The following GTF2IRD1 variants were observed in gnomAD, a reference collection of about 807,000 sequenced individuals.
The protein encoded by GTF2IRD1 is GTF2I repeat domain containing 1, also known as general transcription factor II-I repeat domain-containing protein 1.
In GTF2IRD1, 26 loss-of-function variants were observed where a neutral mutation model predicts 113.2. The observed-to-expected ratio is 0.23, with a 90% CI of 0.17 to 0.32. The LOEUF (loss-of-function observed/expected upper bound fraction) is 0.32. GTF2IRD1 is among the 10% of genes least tolerant of loss of function. The probability of loss-of-function intolerance (pLI) is 1.00; values close to 1 mark genes in which losing one functional copy is unlikely to be tolerated. For missense variants in GTF2IRD1, 864 were observed against 1,280.8 expected, an observed-to-expected ratio of 0.67 and a Z score of 4.97; for synonymous variants, 484 against 529.1, an observed-to-expected ratio of 0.91 and a Z score of 1.17.
chr7:74,507,781 G>A (rs1259035177), intron 1 of GTF2IRD1: 4 of 334,972 alleles, frequency 1.2e-5, no homozygotes, highest in Non-Finnish European at 2.2e-5. Flanking sequence ...GCACACGCCG[G>A]GAGAGGTGGC....
At chr7:74,455,103 C>T (rs1358741572) in intron 1 of GTF2IRD1, among the ~76,000 whole-genome samples, 1 of 152,152 alleles carries the variant, frequency 6.6e-6, no homozygotes, top group Non-Finnish European at 1.5e-5. Flanking sequence ...GGCCTAGTGA[C>T]CCTACCTCCC....
At chr7:74,492,894 T>C (rs1554337101) in intron 1 of GTF2IRD1, among the ~76,000 whole-genome samples, 2 of 152,116 alleles carry the variant, frequency 1.3e-5, no homozygotes, top group Non-Finnish European at 1.5e-5. Flanking sequence ...TCGTCTTCAC[T>C]TGGACTTCTC....
chr7:74,485,441 C>T (rs1024787455), intron 1 of GTF2IRD1, among the ~76,000 whole-genome samples: 3 of 151,130 alleles, frequency 2.0e-5, no homozygotes. Flanking sequence ...CACGGTGAAA[C>T]CCCGTCTCTA....
Position 74,454,158 on chromosome 7 carries a change from C to T in GTF2IRD1, c.-25C>T. On this transcript the variant is annotated 5_prime_UTR_variant, in exon 1 of 27. Transcript: ENST00000424337. ...GGGGCCGGGGCGCCGCTGGCAGGAG[C>T]GCTTGGGGATCCTCCAAGGTAGGAG... is the stretch of plus-strand genomic sequence containing the variant. The T allele has an allele frequency of 6.6e-6, 1 of 152,188 alleles. No individual in the cohort carries two copies. The highest frequency in any genetic ancestry group is 1.5e-5 in the Non-Finnish European group (1 of 68,116). The allele number at this position is 152,188 out of a possible 1,614,324, so 9.4% of individuals were successfully genotyped here.
rs551032868 is a variant in GTF2IRD1 at position 74,513,295 on chromosome 7, T to G, written c.265+324T>G. 1.3e-4 allele frequency among the ~76,000 whole-genome samples: 20 copies of G among 152,298 alleles called. 1 individual carries two copies. The South Asian group carries it at 3.9e-3, about 30-fold the overall frequency. On this transcript the variant is annotated intron_variant, in intron 3 of 26. Coordinates refer to ENST00000424337, the MANE Select transcript of GTF2IRD1 (RefSeq NM_005685.4). ...TGAACACAAGGACCAAATGCACTTA[T>G]GCCAACACAATTTTTTTTTTCTTTA... is the stretch of plus-strand genomic sequence containing the variant.
chr7:74,462,740 C>T (rs955637600), intron 1 of GTF2IRD1, among the ~76,000 whole-genome samples: 5 of 152,214 alleles, frequency 3.3e-5, no homozygotes, highest in Non-Finnish European at 7.3e-5. Context: ...AAGAGCTGAC[C>T]CCAAGCCGGG....
chr7:74,506,067 C>T (rs556029447), intron 1 of GTF2IRD1: 1 of 152,364 alleles, frequency 6.6e-6, no homozygotes, highest in East Asian at 1.9e-4. Context: ...TATTTATCCA[C>T]AGCCAAAAAG....
At chr7:74,471,949 G>A (rs1195746424) in intron 1 of GTF2IRD1, among the ~76,000 whole-genome samples, 1 of 152,074 alleles carries the variant, frequency 6.6e-6, no homozygotes, top group African/African-American at 2.4e-5. Context: ...CCGAGATGGC[G>A]CCACTGCTCT....
In GTF2IRD1 at chr7:74,519,793, G is replaced by A. The variant is rs1391965317; in HGVS notation, c.916+74G>A. On this transcript the variant is annotated intron_variant, in intron 6 of 26. Transcript: ENST00000424337. ...ACTCATGCAGGGGACAGCCTCCCAG[G>A]GCAGGTCAGGATGCCTGGGCCCTCT... 2.5e-5 allele frequency: 28 copies of A among 1,127,904 alleles called. No individual in the cohort carries two copies. In the Middle Eastern group the frequency reaches 8.2e-4, roughly 33 times the overall value. 69.9% of individuals were successfully genotyped at this position (1,127,904 alleles called of 1,614,324 possible). A position where few individuals can be genotyped will look rare whatever the true frequency, so the allele number is the denominator to read the frequency against.
At chr7:74,522,469 G>A (rs1554346213) in intron 7 of GTF2IRD1, among the ~76,000 whole-genome samples, 1 of 152,178 alleles carries the variant, frequency 6.6e-6, no homozygotes, top group East Asian at 1.9e-4. Flanking sequence ...GGAGGCTAAG[G>A]TGGGAGGATG....
intron 17 of GTF2IRD1, among the ~76,000 whole-genome samples, chr7:74,552,957 C>A (rs1157886404): frequency 2.0e-5 from 3 of 152,152 alleles, no homozygotes; most frequent in African/African-American, 4.8e-5. Flanking sequence ...CCGGCCTCAG[C>A]CTCCTGAGTA....
rs1318908202 is a variant in GTF2IRD1 at position 74,502,651 on chromosome 7, C to T, written c.-6-5424C>T. On this transcript the variant is annotated intron_variant, in intron 1 of 26. Coordinates refer to ENST00000424337, the MANE Select transcript of GTF2IRD1 (RefSeq NM_005685.4). ...GGCAGCACTGATTCAGACGTGGCCACGAGTGCTTGGCTAATTTTTGGCTCA... is the reference window on the plus strand; with the variant it reads ...GGCAGCACTGATTCAGACGTGGCCATGAGTGCTTGGCTAATTTTTGGCTCA... Among the ~76,000 whole-genome samples the T allele has an allele frequency of 3.3e-5, 5 of 152,340 alleles. No individual in the cohort carries two copies. In the South Asian group the frequency reaches 6.2e-4, roughly 19 times the overall value.
chr7:74,524,438 C>G (rs1267107234), intron 8 of GTF2IRD1, among the ~76,000 whole-genome samples: 1 of 152,170 alleles, frequency 6.6e-6, no homozygotes, highest in African/African-American at 2.4e-5. Context: ...GATTACCCAT[C>G]TGGGGGCCGG....
At chr7:74,473,366 G>A (rs1794216800) in intron 1 of GTF2IRD1, among the ~76,000 whole-genome samples, 1 of 151,998 alleles carries the variant, frequency 6.6e-6, no homozygotes, top group Non-Finnish European at 1.5e-5. Context: ...GCCTGGGGCT[G>A]CCAAGAGCTC....
chr7:74,576,821 A>T (rs1334943005), intron 22 of GTF2IRD1, among the ~76,000 whole-genome samples: 1 of 151,332 alleles, frequency 6.6e-6, no homozygotes, highest in African/African-American at 2.4e-5. Context: ...GGGTTTCACC[A>T]TGTTGCCCAG....
At chr7:74,593,676 T>C (rs1188830753) in intron 24 of GTF2IRD1, among the ~76,000 whole-genome samples, 1 of 142,354 alleles carries the variant, frequency 7.0e-6, no homozygotes, top group Non-Finnish European at 1.5e-5. Context: ...GAGCTTGCAG[T>C]GAGCCAAGAT....
chr7:74,459,776 G>T (rs1217459416), intron 1 of GTF2IRD1, among the ~76,000 whole-genome samples: 2 of 152,164 alleles, frequency 1.3e-5, no homozygotes, highest in African/African-American at 4.8e-5. Flanking sequence ...CTGTAGTTCA[G>T]ACTGAACTGG....
intron 19 of GTF2IRD1, among the ~76,000 whole-genome samples, chr7:74,556,790 A>ATTTTTTTTTTTTTTTTTT (rs587648610): frequency 2.2e-3 from 294 of 132,650 alleles, no homozygotes; most frequent in African/African-American, 2.7e-3. Context: ...TGCCTGGCTA[A>ATTTTTTTTTTTTTTTTTT]TTTTTGTATT....
Position 74,519,396 on chromosome 7 carries a change from C to T in GTF2IRD1, c.606-13C>T, listed in dbSNP as rs1554345336. 1 of 1,505,730 alleles carries T rather than the reference C, an allele frequency of 6.6e-7. No individual in the cohort carries two copies. Among genetic ancestry groups the T allele is most frequent in the Non-Finnish European group, 8.9e-7 (1 of 1,125,788 alleles). 93.3% of individuals were successfully genotyped at this position (1,505,730 alleles called of 1,614,324 possible). On this transcript the variant is annotated splice_polypyrimidine_tract_variant and intron_variant, in intron 5 of 26. Transcript: ENST00000424337. ...ATGTACAAAGCTGTCCATGTGTCCT[C>T]TCCTTTACTCAGGCCACTTGAGGAT...
Sources: gnomAD v4.1 joint callset for allele counts (sites outside exome capture counted in the v4.1 genomes callset) on GRCh38, gnomAD v4.1.1 for gene constraint, MANE v1.5 for transcripts, NCBI Gene and HGNC (gene_info 2026-07-23, HGNC 2026-07-21) for gene names.